The following PDGFD variants were observed in gnomAD, a reference collection of about 807,000 sequenced individuals.
The protein encoded by PDGFD is platelet-derived growth factor D.
In PDGFD, 30 loss-of-function variants were observed where a neutral mutation model predicts 44.7. The ratio of observed to expected loss-of-function variants is 0.67; its 90% CI spans 0.50 to 0.91. PDGFD has a LOEUF of 0.91. Ranked by LOEUF, PDGFD falls within the 40% of genes least tolerant of loss-of-function variation. The pLI is 0.00. For missense variants in PDGFD, 445 were observed against 457.8 expected, an observed-to-expected ratio of 0.97 and a Z score of 0.25; for synonymous variants, 173 against 168.4, an observed-to-expected ratio of 1.03 and a Z score of -0.21.
chr11:104,072,308 A>G (rs373513782), intron 1 of PDGFD, among the ~76,000 whole-genome samples: 1 of 151,926 alleles, frequency 6.6e-6, no homozygotes, highest in East Asian at 1.9e-4. Context: ...TAAATTTTGC[A>G]CATTCTTTGT....
chr11:104,114,646 T>C (rs1193807852), intron 1 of PDGFD, among the ~76,000 whole-genome samples: 2 of 152,036 alleles, frequency 1.3e-5, no homozygotes, highest in African/African-American at 4.8e-5. Flanking sequence ...TTGTTGGGAT[T>C]TTGATTGGGA....
intron 6 of PDGFD, among the ~76,000 whole-genome samples, chr11:103,926,303 T>C (rs1858314004): frequency 6.6e-6 from 1 of 152,246 alleles, no homozygotes; most frequent in East Asian, 1.9e-4. Context: ...GTTACTATTA[T>C]TAAGGTTATT....
chr11:104,050,595 G>A (rs894100667), intron 1 of PDGFD, among the ~76,000 whole-genome samples: 2 of 152,130 alleles, frequency 1.3e-5, no homozygotes, highest in Non-Finnish European at 2.9e-5. Flanking sequence ...ACCTCAGTTT[G>A]CTCATCAAGT....
intron 3 of PDGFD, 55 bp downstream of exon 3, chr11:103,996,010 C>T: frequency 6.7e-7 from 1 of 1,491,250 alleles, no homozygotes; most frequent in Non-Finnish European, 9.2e-7. Flanking sequence ...AAATTGATCT[C>T]TACACTTCAT....
At chr11:103,991,007 C>T (rs1166203145) in intron 3 of PDGFD, among the ~76,000 whole-genome samples, 2 of 151,788 alleles carry the variant, frequency 1.3e-5, no homozygotes, top group Admixed American at 1.3e-4. Context: ...AGCATGGTGG[C>T]GGGTGCCTGT....
At chr11:103,961,989 G>A (rs1474000251) in intron 3 of PDGFD, among the ~76,000 whole-genome samples, 2 of 152,058 alleles carry the variant, frequency 1.3e-5, no homozygotes, top group Middle Eastern at 3.2e-3. Context: ...AAAATACAAA[G>A]AACATTTTTT....
intron 1 of PDGFD, among the ~76,000 whole-genome samples, chr11:104,021,307 T>C (rs1321436362): frequency 1.3e-5 from 2 of 152,192 alleles, no homozygotes; most frequent in Non-Finnish European, 2.9e-5. Flanking sequence ...TTTAAGTGTA[T>C]GATATGATAG....
At chr11:103,949,298 C>T (rs965887718) in intron 3 of PDGFD, among the ~76,000 whole-genome samples, 2 of 152,144 alleles carry the variant, frequency 1.3e-5, no homozygotes, top group East Asian at 1.9e-4. Flanking sequence ...CCACTGGGCC[C>T]GGCCTCGTTA....
intron 1 of PDGFD, among the ~76,000 whole-genome samples, chr11:104,159,530 G>A (rs974772466): frequency 6.6e-6 from 1 of 152,196 alleles, no homozygotes. Flanking sequence ...AGCTCTTAAG[G>A]ACAGAGACAG....
At chr11:104,119,958 T>C (rs1412104199) in intron 1 of PDGFD, among the ~76,000 whole-genome samples, 1 of 140,428 alleles carries the variant, frequency 7.1e-6, no homozygotes, top group Non-Finnish European at 1.5e-5. Flanking sequence ...TAAGTTATTA[T>C]ATATTTATAT....
intron 1 of PDGFD, among the ~76,000 whole-genome samples, chr11:104,017,660 A>T (rs1859879286): frequency 6.6e-6 from 1 of 152,072 alleles, no homozygotes; most frequent in Non-Finnish European, 1.5e-5. Flanking sequence ...CTTTTCCTCT[A>T]CCTGTGGGAT....
At chr11:104,156,418 A>T (rs866800062) in intron 1 of PDGFD, among the ~76,000 whole-genome samples, 3 of 152,350 alleles carry the variant, frequency 2.0e-5, no homozygotes, top group Admixed American at 6.5e-5. Flanking sequence ...TAAGGCTTCA[A>T]ATCGTGTTTG....
chr11:103,943,352 A>G (rs1390841528), intron 5 of PDGFD, 100 bp downstream of exon 5: 3 of 1,206,934 alleles, frequency 2.5e-6, no homozygotes, highest in East Asian at 2.5e-5. Context: ...CCAAAATCCA[A>G]AAGACTTCTG....
chr11:103,981,062 A>G (rs1462347175), intron 3 of PDGFD, among the ~76,000 whole-genome samples: 1 of 149,166 alleles, frequency 6.7e-6, no homozygotes, highest in Non-Finnish European at 1.5e-5. Context: ...TTGGAACGTA[A>G]TCCCCAATGT....
At chr11:103,914,845 A>C (rs1254096646) in intron 6 of PDGFD, among the ~76,000 whole-genome samples, 1 of 152,228 alleles carries the variant, frequency 6.6e-6, no homozygotes, top group African/African-American at 2.4e-5. Context: ...AATGACAAAA[A>C]CCACATGATT....
chr11:103,920,281 C>CT (rs796511596), intron 6 of PDGFD, among the ~76,000 whole-genome samples: 1 of 152,320 alleles, frequency 6.6e-6, no homozygotes, highest in African/African-American at 2.4e-5. Flanking sequence ...CTGTGAGACT[C>CT]TAGGGTTACT....
chr11:104,011,788 T>C lies in PDGFD; in HGVS notation c.125-11533A>G, dbSNP rs570336015. On this transcript the variant is annotated intron_variant, in intron 1 of 6. Coordinates refer to ENST00000393158, the MANE Select transcript of PDGFD (RefSeq NM_025208.5). ...AAGTGTTTGTGAAGATAAATGAGTA[T>C]GGAAAAAGAAATGAAAATGTAAATA... Among the ~76,000 whole-genome samples the C allele has an allele frequency of 4.6e-5, 7 of 151,910 alleles. No homozygotes were observed. The South Asian group carries it at 1.2e-3, about 27-fold the overall frequency.
intron 1 of PDGFD, among the ~76,000 whole-genome samples, chr11:104,020,797 T>C (rs1859937739): frequency 6.6e-6 from 1 of 152,190 alleles, no homozygotes. Context: ...AAAGGAACTA[T>C]AATGCTAATA....
chr11:104,102,434 G>A (rs1362757102), intron 1 of PDGFD, among the ~76,000 whole-genome samples: 3 of 152,184 alleles, frequency 2.0e-5, no homozygotes, highest in African/African-American at 7.2e-5. Flanking sequence ...AACAACAGGT[G>A]CTGGAGAGGA....
Sources: allele counts gnomAD v4.1 joint callset (sites outside exome capture counted in the v4.1 genomes callset), GRCh38; gene constraint gnomAD v4.1.1; transcripts MANE v1.5; gene names NCBI Gene and HGNC (gene_info 2026-07-23, HGNC 2026-07-21).